The following CNOT10 variants were observed in gnomAD, a reference collection of about 807,000 sequenced individuals.
CNOT10 encodes CCR4-NOT transcription complex, subunit 10.
In CNOT10, 30 loss-of-function variants were observed where a neutral mutation model predicts 94.6. The observed-to-expected ratio is 0.32, with a 90% CI of 0.24 to 0.43. The LOEUF (loss-of-function observed/expected upper bound fraction) is 0.43, where lower values mean the gene tolerates loss of function less well. Among genes scored for constraint, CNOT10 ranks in the 20% least tolerant of loss-of-function variants. The probability of loss-of-function intolerance (pLI) is 1.00; values close to 1 mark genes in which losing one functional copy is unlikely to be tolerated. For synonymous variants in CNOT10, 289 were observed against 301.6 expected, an observed-to-expected ratio of 0.96 and a Z score of 0.43; for missense variants, 759 against 877.2, an observed-to-expected ratio of 0.87 and a Z score of 1.70.
At chr3:32,716,736 C>T (rs1698141076) in intron 6 of CNOT10, among the ~76,000 whole-genome samples, 1 of 152,132 alleles carries the variant, frequency 6.6e-6, no homozygotes, top group South Asian at 2.1e-4. Flanking sequence ...CAACCTCTGC[C>T]TCCCAGTTTC....
intron 3 of CNOT10, among the ~76,000 whole-genome samples, chr3:32,705,818 A>G (rs1697594816): frequency 6.6e-6 from 1 of 152,208 alleles, no homozygotes; most frequent in South Asian, 2.1e-4. Context: ...TGACACAGGT[A>G]GAGAAGCAAG....
At chr3:32,717,763 G>A (rs947626675) in intron 7 of CNOT10, among the ~76,000 whole-genome samples, 1 of 152,082 alleles carries the variant, frequency 6.6e-6, no homozygotes, top group Non-Finnish European at 1.5e-5. Context: ...CCACTAGGGA[G>A]GCTAAAGTGG....
intron 17 of CNOT10, among the ~76,000 whole-genome samples, chr3:32,767,513 C>CT (rs1289761949): frequency 1.5e-5 from 1 of 67,668 alleles, no homozygotes; most frequent in Non-Finnish European, 2.7e-5. Context: ...GAGCGAAACT[C>CT]TGTCTCAAAA....
chr3:32,761,804 C>T (rs1418279477), intron 14 of CNOT10, among the ~76,000 whole-genome samples: 4 of 142,876 alleles, frequency 2.8e-5, no homozygotes, highest in Non-Finnish European at 6.1e-5. Context: ...TTTGTATTTG[C>T]TCTTATTGCC....
intron 13 of CNOT10, among the ~76,000 whole-genome samples, chr3:32,742,212 TGCTGGGATTACAGGCATCCCAGCACCTG>T (rs1699503162): frequency 6.6e-6 from 1 of 152,096 alleles, no homozygotes; most frequent in South Asian, 2.1e-4. Context: ...CCTCCCAAAG[TGCTGGGATTACAGGCATCCCAGCACCTG>T]GCCTGTTATA....
rs1696552172 is a variant in CNOT10 at position 32,685,391 on chromosome 3, A to G, written c.-70A>G. 1 of 1,538,826 alleles carries G rather than the reference A, an allele frequency of 6.5e-7. No homozygotes were observed. Among genetic ancestry groups the G allele is most frequent in the Non-Finnish European group, 8.8e-7 (1 of 1,136,814 alleles). ...AGAGTTGTCCTCGGAGGTCCAGGAC[A>G]GCGGCCAGCCCGGCGGCGGGAGTCA... On this transcript the variant is annotated 5_prime_UTR_variant, in exon 1 of 19. Coordinates refer to ENST00000328834, the MANE Select transcript of CNOT10 (RefSeq NM_015442.3).
chr3:32,747,279 G>A (rs956792883), intron 13 of CNOT10, among the ~76,000 whole-genome samples: 1 of 151,944 alleles, frequency 6.6e-6, no homozygotes, highest in Non-Finnish European at 1.5e-5. Context: ...TTAAGCGGGT[G>A]TACTGGCGCA....
intron 13 of CNOT10, among the ~76,000 whole-genome samples, chr3:32,740,074 A>T (rs969015924): frequency 2.6e-5 from 4 of 152,214 alleles, no homozygotes; most frequent in Admixed American, 2.6e-4. Flanking sequence ...TCCAGCAAGG[A>T]TGACAGATCG....
At chr3:32,759,404 A>G in intron 13 of CNOT10, 54 bp from the exon 14 acceptor site, 1 of 1,239,584 alleles carries the variant, frequency 8.1e-7, no homozygotes, top group Non-Finnish European at 1.2e-6. Flanking sequence ...AGCAAATATA[A>G]CCATTATCAA....
intron 4 of CNOT10, among the ~76,000 whole-genome samples, chr3:32,709,186 C>T (rs1325756527): frequency 2.0e-5 from 3 of 152,110 alleles, no homozygotes; most frequent in Non-Finnish European, 4.4e-5. Flanking sequence ...CATTTTTGCC[C>T]TTTGCCTTAC....
chr3:32,699,036 T>C (rs189644076), intron 1 of CNOT10, among the ~76,000 whole-genome samples: 143 of 152,332 alleles, frequency 9.4e-4, no homozygotes, highest in African/African-American at 3.1e-3. Flanking sequence ...TCCACCCGCG[T>C]TGGCCTCCCA....
chr3:32,765,048 A>G (rs1180932522), intron 17 of CNOT10: 2 of 1,349,116 alleles, frequency 1.5e-6, no homozygotes, highest in Middle Eastern at 2.0e-4. Flanking sequence ...TTTTTTTGCC[A>G]GGCACAGTGG....
intron 13 of CNOT10, among the ~76,000 whole-genome samples, chr3:32,748,322 A>AT (rs1315360145): frequency 1.3e-5 from 2 of 151,710 alleles, no homozygotes; most frequent in Non-Finnish European, 2.9e-5. Context: ...TCTTTAGAAA[A>AT]TTTTTTTTTG....
intron 1 of CNOT10, chr3:32,695,783 G>A (rs1423147541): frequency 6.5e-7 from 1 of 1,535,766 alleles, no homozygotes; most frequent in Admixed American, 2.0e-5. Flanking sequence ...GACTACTTTT[G>A]GGCAAATAAA....
At chr3:32,741,788 A>G (rs1699480530) in intron 13 of CNOT10, among the ~76,000 whole-genome samples, 1 of 151,332 alleles carries the variant, frequency 6.6e-6, no homozygotes, top group South Asian at 2.1e-4. Flanking sequence ...AAAAAACAGA[A>G]GAAAAGAAAC....
intron 1 of CNOT10, among the ~76,000 whole-genome samples, chr3:32,703,243 G>A (rs1034378781): frequency 2.6e-5 from 4 of 152,002 alleles, no homozygotes; most frequent in Non-Finnish European, 5.9e-5. Flanking sequence ...AGTTATTGTT[G>A]AGAGAGCCCT....
intron 15 of CNOT10, 131 bp from the exon 16 acceptor site, chr3:32,764,324 G>A (rs1700574487): frequency 3.6e-5 from 31 of 852,550 alleles, no homozygotes; most frequent in Non-Finnish European, 5.2e-5. Flanking sequence ...GCAACAGAGC[G>A]AGGCTCCATC....
intron 1 of CNOT10, among the ~76,000 whole-genome samples, chr3:32,685,901 G>A (rs906962277): frequency 6.6e-6 from 1 of 151,996 alleles, no homozygotes; most frequent in East Asian, 1.9e-4. Flanking sequence ...GGCTTCCTCT[G>A]GTCATTGACT....
intron 2 of CNOT10, among the ~76,000 whole-genome samples, chr3:32,704,517 C>T (rs893464412): frequency 1.3e-5 from 2 of 152,024 alleles, no homozygotes; most frequent in African/African-American, 4.8e-5. Context: ...TCTTGACTAG[C>T]CTCAGCCATT....
Sources: gnomAD v4.1 joint callset for allele counts (sites outside exome capture counted in the v4.1 genomes callset) on GRCh38, gnomAD v4.1.1 for gene constraint, MANE v1.5 for transcripts, NCBI Gene and HGNC (gene_info 2026-07-23, HGNC 2026-07-21) for gene names.